The following C10orf143 variants were observed in gnomAD, a reference collection of about 807,000 sequenced individuals.
The protein encoded by C10orf143 is chromosome 10 open reading frame 143.
In C10orf143 at chr10:130,047,594, G is replaced by A. The variant is rs12255093; in HGVS notation, c.298-11624C>T. On this transcript the variant is annotated intron_variant and NMD_transcript_variant, in intron 3 of 5. Transcript: ENST00000643056. ...GCCCCCCGCACTCCAGGCTTCCTGCGTCCAGAGCTGGTCAGACCCGGACGA... is the reference window on the plus strand; with the variant it reads ...GCCCCCCGCACTCCAGGCTTCCTGCATCCAGAGCTGGTCAGACCCGGACGA... 7.7e-3 allele frequency among the ~76,000 whole-genome samples: 1,169 copies of A among 152,254 alleles called. 19 individuals are homozygous for A. The highest frequency in any genetic ancestry group is 0.027 in the African/African-American group (1,102 of 41,550).
At chr10:130,107,708 A>T (rs1179873752) in intron 1 of C10orf143, 1 of 1,243,158 alleles carries the variant, frequency 8.0e-7, no homozygotes, top group Admixed American at 1.7e-5. Context: ...GGGGGAAGGA[A>T]GAGGCTCAAG....
intron 1 of C10orf143, among the ~76,000 whole-genome samples, chr10:130,088,943 G>A (rs1227953604): frequency 6.6e-6 from 1 of 152,146 alleles, no homozygotes; most frequent in Non-Finnish European, 1.5e-5. Context: ...GCACACTGGG[G>A]CTTTACCAAC....
At chr10:130,043,592 G>A (rs550848862) in intron 3 of C10orf143, among the ~76,000 whole-genome samples, 248 of 152,214 alleles carry the variant, frequency 1.6e-3, no homozygotes, top group Non-Finnish European at 2.3e-3. Context: ...TGGCACTCAC[G>A]CCCAGACCAA....
intron 3 of C10orf143, among the ~76,000 whole-genome samples, chr10:130,053,556 A>G (rs1307253492): frequency 6.6e-6 from 1 of 152,150 alleles, no homozygotes; most frequent in East Asian, 1.9e-4. Flanking sequence ...CAGGCATGTG[A>G]GACCCCCACA....
At chr10:130,088,583 A>C (rs559056558) in intron 1 of C10orf143, among the ~76,000 whole-genome samples, 1 of 152,176 alleles carries the variant, frequency 6.6e-6, no homozygotes, top group Non-Finnish European at 1.5e-5. Flanking sequence ...TGGGTAATTC[A>C]GTCCTTAGGT....
intron 3 of C10orf143, among the ~76,000 whole-genome samples, chr10:130,077,425 G>A (rs1216780246): frequency 6.6e-6 from 1 of 152,172 alleles, no homozygotes; most frequent in East Asian, 1.9e-4. Context: ...GGAGCTTACT[G>A]GAGAACAGCC....
intron 3 of C10orf143, among the ~76,000 whole-genome samples, chr10:130,050,201 C>T: frequency 6.6e-6 from 1 of 152,258 alleles, no homozygotes; most frequent in East Asian, 1.9e-4. Flanking sequence ...CACGCTCACA[C>T]CCAAACTTCC....
intron 1 of C10orf143, among the ~76,000 whole-genome samples, chr10:130,102,934 T>C (rs1861581061): frequency 6.6e-6 from 1 of 152,200 alleles, no homozygotes; most frequent in Non-Finnish European, 1.5e-5. Flanking sequence ...ATTGCATCTT[T>C]ATATTTATAG....
chr10:130,098,017 T>TA (rs59790850), intron 1 of C10orf143, among the ~76,000 whole-genome samples: 84,474 of 146,748 alleles, frequency 0.58, 25,238 homozygotes, highest in Admixed American at 0.7. Flanking sequence ...ATTACACACT[T>TA]AAAAAAAAAA....
chr10:130,076,909 C>G (rs1321010081), intron 3 of C10orf143, among the ~76,000 whole-genome samples: 1 of 152,138 alleles, frequency 6.6e-6, no homozygotes, highest in African/African-American at 2.4e-5. Flanking sequence ...CAGCCCCAGA[C>G]AGCACATGAC....
At chr10:130,069,272 C>G (rs1235001158) in intron 3 of C10orf143, among the ~76,000 whole-genome samples, 1 of 152,156 alleles carries the variant, frequency 6.6e-6, no homozygotes, top group African/African-American at 2.4e-5. Context: ...CTGTCAGCAC[C>G]TGTTACTCTA....
At position 130,101,742 on chromosome 10, in the gene C10orf143, C is replaced by T. The variant is rs1861554059; in HGVS notation, c.69+8962G>A. On this transcript the variant is annotated intron_variant, in intron 1 of 3. Transcript: ENST00000637128. ...AGCTATGGTGGCAAGCATCTGTAGTCCCAGCTACTTGGGAGGCTGAGGCAG... is the reference window on the plus strand; with the variant it reads ...AGCTATGGTGGCAAGCATCTGTAGTTCCAGCTACTTGGGAGGCTGAGGCAG... Among the ~76,000 whole-genome samples the T allele has an allele frequency of 2.0e-5, 3 of 149,176 alleles. No homozygotes were observed. In the South Asian group the frequency reaches 6.4e-4, roughly 32 times the overall value.
rs1394738512 is a variant in C10orf143 at position 130,056,202 on chromosome 10, TTAGTAA to T, written c.298-20238_298-20233del. Reference sequence around the variant, plus strand: ...TAGGGCTGAAAACATCACCGTGTATTTAGTAAATGTGCAATTAACCCTTACCGACCC... The same window carrying T: ...TAGGGCTGAAAACATCACCGTGTATTATGTGCAATTAACCCTTACCGACCC... On this transcript the variant is annotated intron_variant and NMD_transcript_variant, in intron 3 of 5. Coordinates refer to the C10orf143 transcript ENST00000643056. The surrounding 1 kb of genome is among the most constrained non-coding windows in gnomAD (Gnocchi z 4.6). 2.0e-5 allele frequency among the ~76,000 whole-genome samples: 3 copies of T among 152,170 alleles called. No individual in the cohort carries two copies. The highest frequency in any genetic ancestry group is 7.2e-5 in the African/African-American group (3 of 41,442).
chr10:130,067,934 A>G (rs1216390721), intron 3 of C10orf143: 1 of 152,474 alleles, frequency 6.6e-6, no homozygotes, highest in African/African-American at 2.4e-5. Flanking sequence ...ATTTGTCACA[A>G]AGTTGTCCTG....
At chr10:130,081,507 AT>A (rs1861207384) in intron 1 of C10orf143, among the ~76,000 whole-genome samples, 1 of 152,188 alleles carries the variant, frequency 6.6e-6, no homozygotes, top group African/African-American at 2.4e-5. Flanking sequence ...CTGTACCCTG[AT>A]AATAGAGTAT....
At chr10:130,108,895 C>G (rs1410217926) in intron 1 of C10orf143, among the ~76,000 whole-genome samples, 1 of 152,212 alleles carries the variant, frequency 6.6e-6, no homozygotes, top group African/African-American at 2.4e-5. Context: ...CACGTCTCCA[C>G]TAAACGTCTC....
At chr10:130,083,070 T>G (rs1407664680) in intron 1 of C10orf143, among the ~76,000 whole-genome samples, 1 of 151,978 alleles carries the variant, frequency 6.6e-6, no homozygotes, top group Non-Finnish European at 1.5e-5. Flanking sequence ...TATAAGAAAC[T>G]GTTACAAAAG....
chr10:130,101,878 A>C (rs1454444555), intron 1 of C10orf143, among the ~76,000 whole-genome samples: 2 of 148,490 alleles, frequency 1.3e-5, no homozygotes, highest in Non-Finnish European at 3.0e-5. Context: ...AAAAAAAAAA[A>C]AAAAAAACTT....
At chr10:130,099,605 C>T (rs948662751) in intron 1 of C10orf143, among the ~76,000 whole-genome samples, 6 of 151,676 alleles carry the variant, frequency 4.0e-5, no homozygotes, top group Non-Finnish European at 8.8e-5. Flanking sequence ...GGCATGATCT[C>T]GGCTCAGTGC....
Sources: gnomAD v4.1 joint callset for allele counts (sites outside exome capture counted in the v4.1 genomes callset) on GRCh38, gnomAD v4.1.1 for gene constraint, Gnocchi (gnomAD v3.1) non-coding constraint, MANE v1.5 for transcripts, NCBI Gene and HGNC (gene_info 2026-07-23, HGNC 2026-07-21) for gene names.